UBE2F: variants seen among roughly 807,000 people sequenced by gnomAD.
The protein encoded by UBE2F is ubiquitin conjugating enzyme E2 F (putative), also known as NEDD8-conjugating enzyme UBE2F.
Under a neutral mutation model 29.6 loss-of-function variants are expected in UBE2F, and 5 were observed. That is an observed-to-expected ratio of 0.17 (90% CI 0.09 to 0.36). UBE2F has a LOEUF of 0.36. UBE2F is among the 10% of genes least tolerant of loss of function. The pLI, the probability that UBE2F is intolerant of heterozygous loss-of-function variation, is 1.00. For synonymous variants in UBE2F, 66 were observed against 81.8 expected, an observed-to-expected ratio of 0.81 and a Z score of 1.04; for missense variants, 141 against 228.5, an observed-to-expected ratio of 0.62 and a Z score of 2.47.
intron 7 of UBE2F, among the ~76,000 whole-genome samples, chr2:238,031,299 T>C (rs2064570899): frequency 6.6e-6 from 1 of 152,218 alleles, no homozygotes; most frequent in Non-Finnish European, 1.5e-5. Flanking sequence ...GGCAGACTCC[T>C]GCTCCCCTGG....
chr2:237,999,745 A>G (rs1184678735), intron 4 of UBE2F, among the ~76,000 whole-genome samples: 1 of 151,580 alleles, frequency 6.6e-6, no homozygotes, highest in East Asian at 1.9e-4. Context: ...GGCCCGTACC[A>G]CACTGTTTTA....
At chr2:237,977,639 T>C (rs966325366) in intron 2 of UBE2F, among the ~76,000 whole-genome samples, 4 of 152,140 alleles carry the variant, frequency 2.6e-5, no homozygotes, top group Admixed American at 2.6e-4. Flanking sequence ...TGGGGAGTTA[T>C]GGCGGAAGTG....
Position 237,990,790 on chromosome 2 carries a change from A to AT in UBE2F, c.148+2805dup, listed in dbSNP as rs1011556436. 7.3e-5 allele frequency among the ~76,000 whole-genome samples: 11 copies of AT among 150,226 alleles called. No homozygotes were observed. The East Asian group carries it at 7.9e-4, about 11-fold the overall frequency. ...AAAAAATAATAATAAAATTATTATT[A>AT]TTTTTTTGTAGAGATGGAGTCTCCT... On this transcript the variant is annotated intron_variant, in intron 3 of 9. Transcript: ENST00000272930.
In UBE2F at chr2:238,040,491, C is replaced by T. The variant is rs1054984656; in HGVS notation, c.508-797C>T. ...GGGGGCTGCATGGCATTGATGGGAC[C>T]GAAGCAGTGTGATCCTGCAGGGACA... On this transcript the variant is annotated intron_variant, in intron 9 of 9. Transcript: ENST00000272930. This position sits in a 1 kb window ranked among gnomAD's most constrained non-coding sequence, Gnocchi z 4.4. Among the ~76,000 whole-genome samples, 1 of 152,080 alleles carries T rather than the reference C, an allele frequency of 6.6e-6. No individual in the cohort carries two copies.
intron 5 of UBE2F, among the ~76,000 whole-genome samples, chr2:238,021,530 C>T (rs180976927): frequency 1.4e-4 from 22 of 152,258 alleles, no homozygotes; most frequent in Admixed American, 3.3e-4. Flanking sequence ...GGGGCTTTCC[C>T]GTCATAATAT....
chr2:237,998,533 T>C (rs1218116785), intron 4 of UBE2F, among the ~76,000 whole-genome samples: 2 of 152,150 alleles, frequency 1.3e-5, no homozygotes, highest in Non-Finnish European at 2.9e-5. Flanking sequence ...TTTATCTTCC[T>C]AGTGATAGAC....
intron 1 of UBE2F, chr2:237,968,924 T>A: frequency 1.3e-5 from 10 of 798,844 alleles, no homozygotes; most frequent in Non-Finnish European, 1.5e-5. Context: ...TCAGCTAGCC[T>A]CTTGACAGTT....
chr2:237,973,260 T>C (rs1235558126), intron 2 of UBE2F, 35 bp downstream of exon 2: 1 of 1,591,726 alleles, frequency 6.3e-7, no homozygotes, highest in Admixed American at 1.7e-5. Flanking sequence ...TTTTATATCC[T>C]ATAACAAAAG....
intron 3 of UBE2F, 73 bp from the exon 4 acceptor site, chr2:237,994,671 G>C: frequency 8.0e-7 from 1 of 1,249,348 alleles, no homozygotes; most frequent in South Asian, 1.2e-5. Flanking sequence ...CTTTACACGT[G>C]TTCAAAGGTT....
At position 238,027,558 on chromosome 2, in the gene UBE2F, C is replaced by G. The variant is rs561963367; in HGVS notation, c.353+2146C>G. Among the ~76,000 whole-genome samples the G allele has an allele frequency of 4.6e-5, 7 of 152,258 alleles. No homozygotes were observed. In the South Asian group the frequency reaches 1.4e-3, roughly 32 times the overall value. Reference sequence around the variant, plus strand: ...TTGGAGGGTGTGTGTATTTGCACACCTTTCATTGGTCCTTCAGCCACGTAG... The same window carrying G: ...TTGGAGGGTGTGTGTATTTGCACACGTTTCATTGGTCCTTCAGCCACGTAG... On this transcript the variant is annotated intron_variant, in intron 6 of 9. Transcript: ENST00000272930.
chr2:238,032,343 AC>A, intron 8 of UBE2F, 89 bp downstream of exon 8: 1 of 1,186,726 alleles, frequency 8.4e-7, no homozygotes, highest in Non-Finnish European at 1.2e-6. Context: ...TTAACACAAA[AC>A]CATGTTAAAA....
At chr2:238,015,328 G>T (rs1362494941) in intron 4 of UBE2F, among the ~76,000 whole-genome samples, 1 of 152,134 alleles carries the variant, frequency 6.6e-6, no homozygotes, top group Non-Finnish European at 1.5e-5. Flanking sequence ...TTTTGTATTG[G>T]TAATTAAAAG....
At chr2:237,977,608 G>T (rs1219039386) in intron 2 of UBE2F, among the ~76,000 whole-genome samples, 1 of 152,176 alleles carries the variant, frequency 6.6e-6, no homozygotes, top group Non-Finnish European at 1.5e-5. Flanking sequence ...GACCCTGGTG[G>T]CAGTCTGGCC....
chr2:237,998,166 A>G (rs2063725742), intron 4 of UBE2F, among the ~76,000 whole-genome samples: 1 of 152,200 alleles, frequency 6.6e-6, no homozygotes, highest in Non-Finnish European at 1.5e-5. Context: ...TGAGGTATAA[A>G]ATTATAAACA....
At chr2:237,985,272 A>G (rs964810825) in intron 2 of UBE2F, among the ~76,000 whole-genome samples, 4 of 152,226 alleles carry the variant, frequency 2.6e-5, no homozygotes, top group Admixed American at 2.0e-4. Context: ...TCCAGCATAT[A>G]AAACAATATT....
intron 4 of UBE2F, among the ~76,000 whole-genome samples, chr2:238,006,236 A>C (rs2063903786): frequency 6.6e-6 from 1 of 152,180 alleles, no homozygotes; most frequent in Admixed American, 6.5e-5. Context: ...TCTTTTAAAC[A>C]ACCAACTCTT....
chr2:237,981,523 T>A (rs776814799), intron 2 of UBE2F, among the ~76,000 whole-genome samples: 5 of 150,998 alleles, frequency 3.3e-5, no homozygotes, highest in Non-Finnish European at 7.4e-5. Flanking sequence ...GTAGGCTGGG[T>A]CCAGGAGCTC....
chr2:237,991,609 C>CTTTTTTTTTTTTTTTTTTTTTT (rs774476848), intron 3 of UBE2F, among the ~76,000 whole-genome samples: 10 of 53,044 alleles, frequency 1.9e-4, no homozygotes, highest in Admixed American at 2.6e-4. Context: ...TTCTTTCTTT[C>CTTTTTTTTTTTTTTTTTTTTTT]TTTTTTTTTT....
intron 1 of UBE2F, among the ~76,000 whole-genome samples, chr2:237,969,807 G>A (rs1236761695): frequency 6.6e-6 from 1 of 152,184 alleles, no homozygotes; most frequent in African/African-American, 2.4e-5. Flanking sequence ...GGTAGCTAAA[G>A]CCCCTACAGG....
Sources: allele counts gnomAD v4.1 joint callset (sites outside exome capture counted in the v4.1 genomes callset), GRCh38; gene constraint gnomAD v4.1.1; non-coding constraint Gnocchi (gnomAD v3.1); transcripts MANE v1.5; gene names NCBI Gene and HGNC (gene_info 2026-07-23, HGNC 2026-07-21).